CNTNAP5: variants seen among roughly 807,000 people sequenced by gnomAD.
CNTNAP5 encodes contactin associated protein family member 5.
Under a neutral mutation model 150.2 loss-of-function variants are expected in CNTNAP5, and 72 were observed. The observed-to-expected ratio is 0.48, with a 90% CI of 0.40 to 0.58. CNTNAP5 has a LOEUF of 0.58. Among genes scored for constraint, CNTNAP5 ranks in the 20% least tolerant of loss-of-function variants. The probability of loss-of-function intolerance (pLI) is 0.00; values close to 1 mark genes in which losing one functional copy is unlikely to be tolerated. For synonymous variants in CNTNAP5, 672 were observed against 619.8 expected, an observed-to-expected ratio of 1.08 and a Z score of -1.25; for missense variants, 1,636 against 1,626.2, an observed-to-expected ratio of 1.01 and a Z score of -0.10.
At chr2:124,125,914 G>A (rs1490494953) in intron 1 of CNTNAP5, among the ~76,000 whole-genome samples, 1 of 152,170 alleles carries the variant, frequency 6.6e-6, no homozygotes, top group Non-Finnish European at 1.5e-5. Flanking sequence ...ATTTAAAGCA[G>A]TATGTAGAGG....
chr2:124,252,722 T>C (rs960509502), intron 3 of CNTNAP5, among the ~76,000 whole-genome samples: 1 of 152,184 alleles, frequency 6.6e-6, no homozygotes, highest in Non-Finnish European at 1.5e-5. Flanking sequence ...AAAGTCAAAT[T>C]ATCATGTAGG....
At chr2:124,327,005 G>A (rs1172800938) in intron 3 of CNTNAP5, among the ~76,000 whole-genome samples, 8 of 113,280 alleles carry the variant, frequency 7.1e-5, no homozygotes, top group Admixed American at 2.3e-4. Context: ...TTTTGAGATA[G>A]AGTCTCACTC....
chr2:124,538,868 G>A (rs1261952354), intron 10 of CNTNAP5, among the ~76,000 whole-genome samples: 6 of 152,112 alleles, frequency 3.9e-5, no homozygotes, highest in Non-Finnish European at 8.8e-5. Context: ...TTACATGATC[G>A]ATATCTCAAT....
intron 13 of CNTNAP5, among the ~76,000 whole-genome samples, chr2:124,665,053 C>T (rs10195554): frequency 0.55 from 84,294 of 151,932 alleles, 23,934 homozygotes; most frequent in Non-Finnish European, 0.62. Flanking sequence ...ATAGCCTTAA[C>T]GTCTATCAGC....
At chr2:124,773,301 C>T (rs889660723) in intron 17 of CNTNAP5, among the ~76,000 whole-genome samples, 13 of 152,166 alleles carry the variant, frequency 8.5e-5, no homozygotes, top group Admixed American at 6.6e-4. Context: ...TTTTGTTCTA[C>T]ATCATTGTAA....
At chr2:124,322,408 A>C (rs1689123378) in intron 3 of CNTNAP5, among the ~76,000 whole-genome samples, 1 of 151,958 alleles carries the variant, frequency 6.6e-6, no homozygotes, top group South Asian at 2.1e-4. Flanking sequence ...AGTTTGTTAC[A>C]TGTTTGAGAG....
At chr2:124,730,406 A>G (rs1372501289) in intron 13 of CNTNAP5, among the ~76,000 whole-genome samples, 1 of 152,008 alleles carries the variant, frequency 6.6e-6, no homozygotes. Context: ...TATTATTTAA[A>G]GAATTACTGA....
At chr2:124,052,854 CAT>C (rs1479410831) in intron 1 of CNTNAP5, among the ~76,000 whole-genome samples, 1 of 152,196 alleles carries the variant, frequency 6.6e-6, no homozygotes. Flanking sequence ...TCCCTGCCCA[CAT>C]GTCATTTTTC....
intron 19 of CNTNAP5, among the ~76,000 whole-genome samples, chr2:124,810,476 G>A (rs1682191650): frequency 6.6e-6 from 1 of 152,116 alleles, no homozygotes. Context: ...GACACAGGAG[G>A]ACAGTTAAAA....
At chr2:124,175,406 A>G (rs1685038540) in intron 1 of CNTNAP5, among the ~76,000 whole-genome samples, 1 of 152,132 alleles carries the variant, frequency 6.6e-6, no homozygotes, top group African/African-American at 2.4e-5. Context: ...TTTTTTTGCC[A>G]AATAATATCC....
At chr2:124,222,843 G>A (rs1383186526) in intron 2 of CNTNAP5, among the ~76,000 whole-genome samples, 1 of 151,292 alleles carries the variant, frequency 6.6e-6, no homozygotes, top group Non-Finnish European at 1.5e-5. Flanking sequence ...TTTGTTTCCT[G>A]TTTGTCTTGT....
chr2:124,292,829 C>T (rs904728020), intron 3 of CNTNAP5, among the ~76,000 whole-genome samples: 8 of 152,074 alleles, frequency 5.3e-5, no homozygotes, highest in East Asian at 3.9e-4. Flanking sequence ...TAAATAATAT[C>T]GTGGTCTACA....
chr2:124,361,625 G>T (rs1362518697), intron 3 of CNTNAP5, among the ~76,000 whole-genome samples: 1 of 138,918 alleles, frequency 7.2e-6, no homozygotes, highest in South Asian at 2.3e-4. Context: ...CTGCTCGGGG[G>T]TCAGGGGTCA....
intron 13 of CNTNAP5, among the ~76,000 whole-genome samples, chr2:124,703,476 C>G (rs552999184): frequency 2.6e-5 from 4 of 152,114 alleles, no homozygotes; most frequent in Non-Finnish European, 4.4e-5. Context: ...GAAGAAAGTA[C>G]GAGTATCATA....
chr2:124,898,155 A>G (rs1253338939), intron 21 of CNTNAP5, among the ~76,000 whole-genome samples: 1 of 151,406 alleles, frequency 6.6e-6, no homozygotes, highest in Non-Finnish European at 1.5e-5. Context: ...ACCTTCCATT[A>G]ACATTGATTC....
chr2:124,615,685 A>G (rs781572881), intron 12 of CNTNAP5, among the ~76,000 whole-genome samples: 5 of 152,204 alleles, frequency 3.3e-5, no homozygotes, highest in African/African-American at 1.2e-4. Context: ...TGAGATCTAC[A>G]ATGGCAAATG....
chr2:124,809,663 T>A (rs541141269), intron 19 of CNTNAP5, among the ~76,000 whole-genome samples: 3 of 152,050 alleles, frequency 2.0e-5, no homozygotes, highest in African/African-American at 7.2e-5. Context: ...TCTAGAAAGA[T>A]GGGAGATAAA....
At chr2:124,156,504 T>G (rs1684551953) in intron 1 of CNTNAP5, among the ~76,000 whole-genome samples, 1 of 152,206 alleles carries the variant, frequency 6.6e-6, no homozygotes, top group South Asian at 2.1e-4. Flanking sequence ...TATTTATTTT[T>G]GTTTTTTTTG....
At chr2:124,057,111 G>T (rs575364022) in intron 1 of CNTNAP5, among the ~76,000 whole-genome samples, 1 of 152,020 alleles carries the variant, frequency 6.6e-6, no homozygotes, top group African/African-American at 2.4e-5. Context: ...TCACAATTGG[G>T]AAGGACCCAG....
Sources: gnomAD v4.1 joint callset for allele counts (sites outside exome capture counted in the v4.1 genomes callset) on GRCh38, gnomAD v4.1.1 for gene constraint, MANE v1.5 for transcripts, NCBI Gene and HGNC (gene_info 2026-07-23, HGNC 2026-07-21) for gene names.